The following KIAA1217 variants were observed in gnomAD, a reference collection of about 807,000 sequenced individuals.
KIAA1217 encodes sickle tail protein homolog.
A neutral mutation model predicts 163.9 loss-of-function variants in KIAA1217; 88 were observed. The ratio of observed to expected loss-of-function variants is 0.54; its 90% CI spans 0.45 to 0.64. The LOEUF is 0.64. KIAA1217 is among the 30% of genes least tolerant of loss of function. The pLI, the probability that KIAA1217 is intolerant of heterozygous loss-of-function variation, is 0.00. For synonymous variants in KIAA1217, 903 were observed against 923.1 expected (o/e 0.98, Z 0.39); for missense variants, 2,372 against 2,475.0 (o/e 0.96, Z 0.88).
chr10:23,880,180 A>G (rs917268572), intron 1 of KIAA1217, among the ~76,000 whole-genome samples: 9 of 152,004 alleles, frequency 5.9e-5, no homozygotes, highest in African/African-American at 2.2e-4. Context: ...CACAATAGCC[A>G]AGATTTGGAA....
intron 1 of KIAA1217, among the ~76,000 whole-genome samples, chr10:23,816,120 C>A (rs1056235890): frequency 6.6e-6 from 1 of 152,150 alleles, no homozygotes; most frequent in African/African-American, 2.4e-5. Context: ...TTCCTGGTAA[C>A]CAGCATTTGC....
intron 1 of KIAA1217, among the ~76,000 whole-genome samples, chr10:23,819,471 C>A (rs1050747652): frequency 6.6e-6 from 1 of 151,580 alleles, no homozygotes; most frequent in East Asian, 1.9e-4. Context: ...CACCAGTGAG[C>A]TCCACACCAG....
intron 2 of KIAA1217, among the ~76,000 whole-genome samples, chr10:24,125,048 C>T (rs539244621): frequency 2.9e-4 from 44 of 152,020 alleles, no homozygotes; most frequent in Non-Finnish European, 5.6e-4. Context: ...CTGAGGCAGG[C>T]GGATCACGAG....
intron 2 of KIAA1217, among the ~76,000 whole-genome samples, chr10:24,224,197 T>G (rs2070118744): frequency 6.6e-6 from 1 of 152,194 alleles, no homozygotes; most frequent in South Asian, 2.1e-4. Context: ...ACCTTAGTTG[T>G]GCAGGGCAGT....
chr10:23,865,204 A>C (rs1426150400), intron 1 of KIAA1217, among the ~76,000 whole-genome samples: 1 of 152,140 alleles, frequency 6.6e-6, no homozygotes, highest in Non-Finnish European at 1.5e-5. Context: ...CATCAGCAGC[A>C]TGTGAGAGAA....
intron 1 of KIAA1217, among the ~76,000 whole-genome samples, chr10:23,756,231 G>A (rs1833913773): frequency 6.6e-6 from 1 of 151,736 alleles, no homozygotes; most frequent in Middle Eastern, 3.4e-3. Context: ...CCAAAATGCT[G>A]GGATTACAGG....
chr10:24,015,367 TTAAA>T (rs897812279), intron 2 of KIAA1217, among the ~76,000 whole-genome samples: 1 of 152,238 alleles, frequency 6.6e-6, no homozygotes, highest in Admixed American at 6.5e-5. Flanking sequence ...GGGGTCCCTC[TTAAA>T]TAGTTTCTTC....
At chr10:23,895,054 G>C (rs558740611) in intron 1 of KIAA1217, among the ~76,000 whole-genome samples, 2 of 152,152 alleles carry the variant, frequency 1.3e-5, no homozygotes, top group East Asian at 1.9e-4. Context: ...GAAAACCTAG[G>C]CATTACCATT....
intron 1 of KIAA1217, among the ~76,000 whole-genome samples, chr10:23,907,671 G>A (rs933844697): frequency 1.3e-5 from 2 of 152,148 alleles, no homozygotes; most frequent in African/African-American, 4.8e-5. Flanking sequence ...CGGGTTGGAC[G>A]ATGCCCACAT....
At chr10:23,861,247 A>G (rs528749832) in intron 1 of KIAA1217, among the ~76,000 whole-genome samples, 2 of 152,232 alleles carry the variant, frequency 1.3e-5, no homozygotes, top group African/African-American at 4.8e-5. Context: ...GGTAGCTTCT[A>G]TCCTGTTTAG....
At chr10:23,838,565 A>G (rs1424381858) in intron 1 of KIAA1217, among the ~76,000 whole-genome samples, 1 of 152,018 alleles carries the variant, frequency 6.6e-6, no homozygotes. Flanking sequence ...GGCTCAAGCA[A>G]TTCTCCTGCC....
chr10:24,080,408 T>C (rs976614131), intron 2 of KIAA1217, among the ~76,000 whole-genome samples: 1 of 152,198 alleles, frequency 6.6e-6, no homozygotes, highest in Non-Finnish European at 1.5e-5. Context: ...TATTGTTCAA[T>C]GGCACATCTG....
At chr10:24,029,765 C>T (rs1449046762) in intron 2 of KIAA1217, among the ~76,000 whole-genome samples, 1 of 152,202 alleles carries the variant, frequency 6.6e-6, no homozygotes, top group East Asian at 1.9e-4. Flanking sequence ...TAGCCTTGCC[C>T]ATGATGCGTA....
chr10:23,795,580 C>T (rs990625032), intron 1 of KIAA1217, among the ~76,000 whole-genome samples: 6 of 152,256 alleles, frequency 3.9e-5, no homozygotes, highest in African/African-American at 7.2e-5. Context: ...TAAAGTGGTT[C>T]GGTCCAAAAG....
At chr10:24,255,958 C>G (rs2075104793) in intron 2 of KIAA1217, among the ~76,000 whole-genome samples, 1 of 147,134 alleles carries the variant, frequency 6.8e-6, no homozygotes, top group Admixed American at 7.0e-5. Context: ...TTGCCGGGCT[C>G]TGAAAGAATG....
intron 1 of KIAA1217, among the ~76,000 whole-genome samples, chr10:23,775,108 C>T (rs914154801): frequency 6.6e-6 from 1 of 151,202 alleles, no homozygotes; most frequent in Non-Finnish European, 1.5e-5. Flanking sequence ...TTTATAAAGA[C>T]AGCCTCAGGC....
At chr10:24,173,040 A>G (rs539317200) in intron 2 of KIAA1217, among the ~76,000 whole-genome samples, 2 of 152,350 alleles carry the variant, frequency 1.3e-5, no homozygotes, top group Non-Finnish European at 2.9e-5. Flanking sequence ...CAGGCTGCAC[A>G]GCAGGGGTGA....
chr10:24,088,256 C>CATATATATAT lies in KIAA1217; in HGVS notation c.-171+80892_-171+80901dup, dbSNP rs758367708. Among the ~76,000 whole-genome samples the CATATATATAT allele has an allele frequency of 1.5e-3, 139 of 95,852 alleles. 10 individuals are homozygous for CATATATATAT. Among genetic ancestry groups the CATATATATAT allele is most frequent in the African/African-American group, 4.4e-3 (132 of 29,804 alleles). 62.9% of individuals were successfully genotyped at this position (95,852 alleles called of 152,430 possible). A position where few individuals can be genotyped will look rare whatever the true frequency, so the allele number is the denominator to read the frequency against. On this transcript the variant is annotated intron_variant, in intron 2 of 18. Coordinates refer to the KIAA1217 transcript ENST00000376462. ...TCCCAGGCTCTGTTTTTTTAATATA[C>CATATATATAT]ATATATATATATATATATACACACA...
chr10:23,801,521 C>T (rs1395039464), intron 1 of KIAA1217, among the ~76,000 whole-genome samples: 4 of 152,122 alleles, frequency 2.6e-5, no homozygotes, highest in African/African-American at 4.8e-5. Flanking sequence ...ACTCCCTGAT[C>T]GTCTGATAGT....
Sources: allele counts gnomAD v4.1 joint callset (sites outside exome capture counted in the v4.1 genomes callset), GRCh38; gene constraint gnomAD v4.1.1; transcripts MANE v1.5; gene names NCBI Gene and HGNC (gene_info 2026-07-23, HGNC 2026-07-21).